The following CLPB variants were observed in gnomAD, a reference collection of about 807,000 sequenced individuals.
CLPB encodes the protein mitochondrial disaggregase.
A neutral mutation model predicts 78.4 loss-of-function variants in CLPB; 40 were observed. The observed-to-expected ratio is 0.51, with a 90% CI of 0.40 to 0.66. CLPB has a LOEUF of 0.66. Among genes scored for constraint, CLPB ranks in the 30% least tolerant of loss-of-function variants. CLPB has a pLI of 0.00. For synonymous variants in CLPB, 333 were observed against 348.0 expected, an observed-to-expected ratio of 0.96 and a Z score of 0.48; for missense variants, 780 against 886.9, an observed-to-expected ratio of 0.88 and a Z score of 1.53.
chr11:72,307,383 G>T, intron 8 of CLPB, 129 bp from the exon 9 acceptor site: 1 of 793,780 alleles, frequency 1.3e-6, no homozygotes, highest in Non-Finnish European at 2.1e-6. Context: ...GGCGCAGAAA[G>T]GATCAGCGAC....
In CLPB at chr11:72,434,282, C is replaced by T. The variant is rs368496010; in HGVS notation, c.193G>A (p.Gly65Arg). The change falls in exon 1 of 16, where the codon GGA (glycine) becomes AGA (arginine). Residue 65 changes from glycine (G) to arginine (R), a missense_variant. Gly to Arg is a moderately radical substitution (Grantham distance 125, BLOSUM62 -2). This residue lies in a region of CLPB where 417 missense variants were observed against 414.7 expected (regional missense o/e 1.01). Coordinates refer to ENST00000538039, the MANE Select transcript of CLPB (RefSeq NM_001258392.3). ...RPGTSPALFS[G>R]RGAATGGRQG... The stretch of plus-strand genomic sequence containing the variant: ...CGCCCCCCGGTGGCTGCCCCACGTC[C>T]GGAGAACAAGGCCGGCGATGTTCCA... The T allele has an allele frequency of 6.2e-7, 1 of 1,612,418 alleles. No individual in the cohort carries two copies. Among genetic ancestry groups the T allele is most frequent in the Middle Eastern group, 1.7e-4 (1 of 6,060 alleles).
intron 2 of CLPB, among the ~76,000 whole-genome samples, chr11:72,407,474 T>C (rs1008707825): frequency 1.3e-5 from 2 of 152,208 alleles, no homozygotes; most frequent in Non-Finnish European, 2.9e-5. Flanking sequence ...TTCTCTTCTG[T>C]ATATTGCAGG....
At chr11:72,398,290 G>T (rs563297366) in intron 3 of CLPB, among the ~76,000 whole-genome samples, 9 of 152,192 alleles carry the variant, frequency 5.9e-5, no homozygotes, top group Admixed American at 5.9e-4. Context: ...CCATCTGAAG[G>T]AGCTTCCCCA....
rs575870067 is a variant in CLPB, at chr11:72,385,385, A to G, written c.543-5001T>C. Among the ~76,000 whole-genome samples, 11 of 152,376 alleles carry G rather than the reference A, an allele frequency of 7.2e-5. No individual in the cohort carries two copies. In the East Asian group the frequency reaches 2.1e-3, roughly 29 times the overall value. Reference sequence around the variant, plus strand: ...AAAAAACCAGAAAATATAGATAACCAAAAGAAGAAAACGTCTTAGAACATA... The same window carrying G: ...AAAAAACCAGAAAATATAGATAACCGAAAGAAGAAAACGTCTTAGAACATA... On this transcript the variant is annotated intron_variant, in intron 3 of 15. Transcript: ENST00000538039.
At position 72,293,179 on chromosome 11, in the gene CLPB, G is replaced by T; in HGVS notation, c.*188C>A. The T allele has an allele frequency of 1.5e-6, 1 of 681,378 alleles. No individual in the cohort carries two copies. Among genetic ancestry groups the T allele is most frequent in the Non-Finnish European group, 2.4e-6 (1 of 411,424 alleles). 42.2% of individuals were successfully genotyped at this position (681,378 alleles called of 1,614,324 possible). A position where few individuals can be genotyped will look rare whatever the true frequency, so the allele number is the denominator to read the frequency against. ...TTATGGGCCCACAACAAAGGGGCCA[G>T]AGTAGGGCGAAATTCCTCCTTCAGG... is the stretch of plus-strand genomic sequence containing the variant. On this transcript the variant is annotated 3_prime_UTR_variant, in exon 16 of 16. Transcript: ENST00000538039.
In CLPB at chr11:72,326,546, C is replaced by T. The variant is rs191336960; in HGVS notation, c.873+3161G>A. On this transcript the variant is annotated intron_variant, in intron 6 of 15. Coordinates refer to ENST00000538039, the MANE Select transcript of CLPB (RefSeq NM_001258392.3). ...GTTTTCTATGAGCATAATTTGACTA[C>T]AGAGTGGTAGGTGGAGGTGGAGGAG... Among the ~76,000 whole-genome samples, 791 of 152,206 alleles carry T rather than the reference C, an allele frequency of 5.2e-3. 34 individuals carry two copies. The highest frequency in any genetic ancestry group is 1.1e-3 in the Non-Finnish European group (72 of 68,008).
chr11:72,354,347 G>A (rs757467078), intron 5 of CLPB: 81 of 397,200 alleles, frequency 2.0e-4, no homozygotes, highest in Non-Finnish European at 2.8e-4. Flanking sequence ...TCCTGTGTAC[G>A]ATGGATGCCT....
intron 5 of CLPB, among the ~76,000 whole-genome samples, chr11:72,354,098 A>G (rs571511985): frequency 9.1e-4 from 138 of 152,226 alleles, no homozygotes; most frequent in Non-Finnish European, 1.6e-3. Context: ...ACTTCAGAAC[A>G]GTCAGTAATT....
chr11:72,362,750 T>C (rs955714657), intron 4 of CLPB, among the ~76,000 whole-genome samples: 7 of 152,234 alleles, frequency 4.6e-5, no homozygotes, highest in Non-Finnish European at 1.0e-4. Context: ...TAGCTCTCAA[T>C]AAATGTTAGT....
chr11:72,337,240 A>T, intron 5 of CLPB: 1 of 397,796 alleles, frequency 2.5e-6, no homozygotes. Context: ...CACACCACTG[A>T]GCCCTGCTCA....
At chr11:72,433,948 C>G in intron 1 of CLPB, 124 bp downstream of exon 1, 5 of 1,212,050 alleles carry the variant, frequency 4.1e-6, no homozygotes, top group Non-Finnish European at 5.8e-6. Context: ...CAGATGATGT[C>G]TGAGTCCCTC....
At chr11:72,384,130 G>A (rs1466919937) in intron 3 of CLPB, among the ~76,000 whole-genome samples, 3 of 152,166 alleles carry the variant, frequency 2.0e-5, no homozygotes, top group Non-Finnish European at 4.4e-5. Context: ...TACAGCCTGG[G>A]TGACAGAATG....
intron 7 of CLPB, among the ~76,000 whole-genome samples, chr11:72,309,655 C>A (rs1257366970): frequency 1.3e-5 from 2 of 152,142 alleles, no homozygotes; most frequent in Non-Finnish European, 2.9e-5. Context: ...TCTCTCTAAA[C>A]CTGTCGTCTT....
chr11:72,337,678 AT>A (rs1020122846), intron 5 of CLPB, among the ~76,000 whole-genome samples: 1 of 152,128 alleles, frequency 6.6e-6, no homozygotes, highest in Non-Finnish European at 1.5e-5. Context: ...AATAAAAAGT[AT>A]TTTTTTAGGA....
intron 3 of CLPB, among the ~76,000 whole-genome samples, chr11:72,386,960 A>T (rs998106046): frequency 2.0e-5 from 3 of 152,208 alleles, no homozygotes; most frequent in Non-Finnish European, 4.4e-5. Context: ...GAGGGTACAA[A>T]AAGGCAGATA....
chr11:72,405,904 G>GGC (rs1855695167), intron 2 of CLPB, among the ~76,000 whole-genome samples: 1 of 151,772 alleles, frequency 6.6e-6, no homozygotes, highest in African/African-American at 2.4e-5. Context: ...CGCCAGCCCG[G>GGC]GCGACAGAGT....
At chr11:72,319,393 T>A (rs192235567) in intron 6 of CLPB, among the ~76,000 whole-genome samples, 14 of 152,342 alleles carry the variant, frequency 9.2e-5, no homozygotes, top group African/African-American at 3.4e-4. Context: ...GACTACCGTT[T>A]GTGGAATGGC....
intron 7 of CLPB, among the ~76,000 whole-genome samples, chr11:72,311,215 G>A (rs541390898): frequency 6.6e-6 from 1 of 152,314 alleles, no homozygotes; most frequent in Non-Finnish European, 1.5e-5. Context: ...GTGGTTGGCA[G>A]GGTGGCCGAG....
chr11:72,357,673 G>A (rs146002390), intron 5 of CLPB, among the ~76,000 whole-genome samples: 2,311 of 136,196 alleles, frequency 0.017, 51 homozygotes, highest in African/African-American at 0.062. Context: ...TCCAGCCTGG[G>A]CAACAAAAGC....
Sources: gnomAD v4.1 joint callset for allele counts (sites outside exome capture counted in the v4.1 genomes callset) on GRCh38, gnomAD v4.1.1 for gene constraint, gnomAD v4.1.1 regional missense constraint, MANE v1.5 for transcripts, NCBI Gene and HGNC (gene_info 2026-07-23, HGNC 2026-07-21) for gene names.